ROBO1: variants seen among roughly 807,000 people sequenced by gnomAD.
The protein encoded by ROBO1 is roundabout guidance receptor 1.
In ROBO1, 149 loss-of-function variants were observed where a neutral mutation model predicts 195.9. The ratio of observed to expected loss-of-function variants is 0.76; its 90% CI spans 0.67 to 0.87. ROBO1 has a LOEUF of 0.87. Among genes scored for constraint, ROBO1 ranks in the 40% least tolerant of loss-of-function variants. The pLI, the probability that ROBO1 is intolerant of heterozygous loss-of-function variation, is 0.00. For missense variants in ROBO1, 1,933 were observed against 2,068.3 expected (o/e 0.93, Z 1.27); for synonymous variants, 816 against 733.2 (o/e 1.11, Z -1.82).
At chr3:79,016,098 G>T (rs762857946) in intron 3 of ROBO1, among the ~76,000 whole-genome samples, 2 of 152,182 alleles carry the variant, frequency 1.3e-5, no homozygotes, top group Non-Finnish European at 2.9e-5. Flanking sequence ...AATCTTTCAA[G>T]AACTTCATTC....
chr3:79,079,802 A>G (rs904176863), intron 3 of ROBO1, among the ~76,000 whole-genome samples: 5 of 152,012 alleles, frequency 3.3e-5, no homozygotes, highest in Admixed American at 3.3e-4. Context: ...TCTCAATGTA[A>G]TTTTGTAAAG....
At chr3:78,798,375 C>T (rs2084249986) in intron 4 of ROBO1, among the ~76,000 whole-genome samples, 1 of 152,124 alleles carries the variant, frequency 6.6e-6, no homozygotes, top group Non-Finnish European at 1.5e-5. Context: ...CCTAAAATTA[C>T]TAAGTAGTAT....
In ROBO1 at chr3:79,643,315, G is replaced by T. The variant is rs532952530; in HGVS notation, c.-50-53354C>A. Among the ~76,000 whole-genome samples the T allele has an allele frequency of 3.3e-5, 5 of 152,230 alleles. No homozygotes were observed. The South Asian group carries it at 1.0e-3, about 32-fold the overall frequency. ...CCTACTTTTGAGGTTTTGGGACTTG[G>T]ACTGGCTTCCTTGTTCCTCAGCTTG... On this transcript the variant is annotated intron_variant, in intron 1 of 30. Coordinates refer to ENST00000464233, the MANE Select transcript of ROBO1 (RefSeq NM_002941.4).
intron 3 of ROBO1, among the ~76,000 whole-genome samples, chr3:79,026,177 T>TA (rs1323716659): frequency 1.3e-5 from 2 of 152,124 alleles, no homozygotes; most frequent in Non-Finnish European, 2.9e-5. Flanking sequence ...GCAGTATTTA[T>TA]ATGACATTAT....
intron 4 of ROBO1, among the ~76,000 whole-genome samples, chr3:78,916,245 C>CAA (rs34944563): frequency 0.11 from 10,183 of 91,734 alleles, 984 homozygotes; most frequent in African/African-American, 0.26. Flanking sequence ...GAGACTCCGT[C>CAA]AAAAAAAAAA....
intron 1 of ROBO1, among the ~76,000 whole-genome samples, chr3:79,697,663 T>C (rs1167231952): frequency 6.6e-6 from 1 of 151,418 alleles, no homozygotes; most frequent in Non-Finnish European, 1.5e-5. Flanking sequence ...GATATATTAA[T>C]AATAATAATT....
At chr3:78,901,362 G>A (rs940289527) in intron 4 of ROBO1, among the ~76,000 whole-genome samples, 5 of 152,198 alleles carry the variant, frequency 3.3e-5, no homozygotes, top group African/African-American at 1.2e-4. Context: ...ATTAGAGACA[G>A]CAAAAGTTTT....
intron 2 of ROBO1, among the ~76,000 whole-genome samples, chr3:79,564,483 T>A (rs1196423286): frequency 6.6e-6 from 1 of 152,054 alleles, no homozygotes; most frequent in African/African-American, 2.4e-5. Context: ...AAATTTTCAG[T>A]CAAAAGAAAG....
intron 2 of ROBO1, among the ~76,000 whole-genome samples, chr3:79,406,473 A>C (rs1485515411): frequency 1.3e-5 from 2 of 151,854 alleles, no homozygotes; most frequent in Non-Finnish European, 2.9e-5. Context: ...AACAGCAACA[A>C]AAAAATGCTT....
At chr3:79,400,161 C>A (rs2037311686) in intron 2 of ROBO1, among the ~76,000 whole-genome samples, 1 of 152,028 alleles carries the variant, frequency 6.6e-6, no homozygotes, top group Admixed American at 6.6e-5. Flanking sequence ...CTGCAATCAG[C>A]TAAAATAAAT....
At chr3:78,992,344 T>C (rs893352548) in intron 3 of ROBO1, among the ~76,000 whole-genome samples, 5 of 152,058 alleles carry the variant, frequency 3.3e-5, no homozygotes, top group Admixed American at 6.6e-5. Context: ...TATCTGAAGG[T>C]GGCTCAATAA....
chr3:79,488,782 G>T (rs1055477217), intron 2 of ROBO1, among the ~76,000 whole-genome samples: 15 of 152,076 alleles, frequency 9.9e-5, no homozygotes, highest in Non-Finnish European at 1.9e-4. Flanking sequence ...AAAACCTGGC[G>T]CCATGTACTT....
chr3:79,498,815 C>T (rs1182367530), intron 2 of ROBO1, among the ~76,000 whole-genome samples: 2 of 151,482 alleles, frequency 1.3e-5, no homozygotes, highest in South Asian at 2.1e-4. Context: ...CCATTGTGCT[C>T]CAGCCTGGGC....
intron 1 of ROBO1, among the ~76,000 whole-genome samples, chr3:79,766,253 T>C (rs1013049100): frequency 6.6e-6 from 1 of 151,762 alleles, no homozygotes; most frequent in Non-Finnish European, 1.5e-5. Flanking sequence ...TTGCCCTAAA[T>C]TGCTTGTTTT....
rs1391431278 is a variant in ROBO1 at position 78,668,289 on chromosome 3, T to C, written c.1644A>G (p.Pro548=). The C allele has an allele frequency of 6.2e-7, 1 of 1,612,844 alleles. No homozygotes were observed. Among genetic ancestry groups the C allele is most frequent in the East Asian group, 2.2e-5 (1 of 44,872 alleles). Residue 548 remains proline (P), a synonymous_variant, in exon 13 of 31, where the codon CCA becomes CCG. Coordinates refer to ENST00000464233, the MANE Select transcript of ROBO1 (RefSeq NM_002941.4). The part of the protein sequence containing the change: ...AYIEVQEFGV[P]VQPPRPTDPN... Reference sequence around the variant, plus strand: ...GGTCAGTAGGTCTTGGAGGCTGAACTGGAACTCCAAATTCTAAAAAGCAGG... The same window carrying C: ...GGTCAGTAGGTCTTGGAGGCTGAACCGGAACTCCAAATTCTAAAAAGCAGG...
intron 3 of ROBO1, among the ~76,000 whole-genome samples, chr3:79,125,060 TA>T (rs532881792): frequency 2.8e-3 from 396 of 143,264 alleles, no homozygotes; most frequent in African/African-American, 5.2e-3. Flanking sequence ...ACTACAAGTG[TA>T]AAAAAAAAAA....
In ROBO1 at chr3:79,730,455, A is replaced by G. The variant is rs1703097681; in HGVS notation, c.-51+37297T>C. ...AAAATTAATGTTTACTCATAAACAC[A>G]TATTTTAATTTGGTATTCATTTCAT... On this transcript the variant is annotated intron_variant, in intron 1 of 30. Transcript: ENST00000464233. Among the ~76,000 whole-genome samples the G allele has an allele frequency of 1.3e-5, 2 of 152,204 alleles. 1 individual carries two copies. Among genetic ancestry groups the G allele is most frequent in the South Asian group, 4.1e-4 (2 of 4,834 alleles).
At chr3:79,156,554 T>C (rs80009216) in intron 2 of ROBO1, among the ~76,000 whole-genome samples, 1 of 151,962 alleles carries the variant, frequency 6.6e-6, no homozygotes, top group East Asian at 1.9e-4. Context: ...TTTAGCTATC[T>C]GGCAGCAATT....
intron 3 of ROBO1, among the ~76,000 whole-genome samples, chr3:79,044,881 T>C (rs1326632375): frequency 2.0e-5 from 3 of 152,156 alleles, no homozygotes; most frequent in Non-Finnish European, 2.9e-5. Context: ...GAAATAATTA[T>C]ATCTCAGTTT....
Sources: allele counts gnomAD v4.1 joint callset (sites outside exome capture counted in the v4.1 genomes callset), GRCh38; gene constraint gnomAD v4.1.1; transcripts MANE v1.5; gene names NCBI Gene and HGNC (gene_info 2026-07-23, HGNC 2026-07-21).